The following ADARB2 variants were observed in gnomAD, a reference collection of about 807,000 sequenced individuals.
ADARB2 encodes inactive double-stranded RNA-specific editase B2.
ADARB2 carries 25 observed loss-of-function variants against 62.2 expected under a neutral mutation model. That is an observed-to-expected ratio of 0.40 (90% confidence interval 0.29 to 0.56). ADARB2 has a LOEUF of 0.56. Among genes scored for constraint, ADARB2 ranks in the 20% least tolerant of loss-of-function variants. The probability of loss-of-function intolerance (pLI) is 0.43; values close to 1 mark genes in which losing one functional copy is unlikely to be tolerated. For missense variants in ADARB2, 1,071 were observed against 1,077.4 expected, an observed-to-expected ratio of 0.99 and a Z score of 0.08; for synonymous variants, 572 against 500.8, an observed-to-expected ratio of 1.14 and a Z score of -1.90.
At chr10:1,296,590 C>T (rs1003399533) in intron 3 of ADARB2, among the ~76,000 whole-genome samples, 4 of 151,964 alleles carry the variant, frequency 2.6e-5, no homozygotes, top group South Asian at 2.1e-4. Flanking sequence ...CCATCACAAA[C>T]GTTGGGGGAG....
intron 7 of ADARB2, among the ~76,000 whole-genome samples, chr10:1,207,239 C>T (rs960966077): frequency 6.6e-6 from 1 of 152,032 alleles, no homozygotes; most frequent in Non-Finnish European, 1.5e-5. Context: ...CCCAGCTACT[C>T]GGGAGGCTAA....
chr10:1,610,171 C>A (rs915131510), intron 1 of ADARB2, among the ~76,000 whole-genome samples: 1 of 152,178 alleles, frequency 6.6e-6, no homozygotes, highest in African/African-American at 2.4e-5. Context: ...CCAGCCTGTT[C>A]TCAGGATCCT....
chr10:1,530,740 T>G (rs1172813154), intron 1 of ADARB2, among the ~76,000 whole-genome samples: 3 of 152,244 alleles, frequency 2.0e-5, no homozygotes, highest in African/African-American at 7.2e-5. Flanking sequence ...ACGGCATCTC[T>G]GGGTTCTCTC....
intron 1 of ADARB2, among the ~76,000 whole-genome samples, chr10:1,586,874 T>A (rs1334473678): frequency 1.3e-5 from 2 of 152,236 alleles, no homozygotes; most frequent in East Asian, 3.8e-4. Flanking sequence ...CGTTAAAATA[T>A]GAAACAATAA....
chr10:1,325,429 A>G (rs1831835798), intron 3 of ADARB2, among the ~76,000 whole-genome samples: 2 of 152,064 alleles, frequency 1.3e-5, no homozygotes, highest in Non-Finnish European at 2.9e-5. Context: ...TTCCAGCAGC[A>G]CTCCTGCATG....
At chr10:1,640,635 G>GAC (rs766406161) in intron 1 of ADARB2, among the ~76,000 whole-genome samples, 2 of 151,268 alleles carry the variant, frequency 1.3e-5, no homozygotes, top group African/African-American at 4.9e-5. Context: ...TTGCCTGGGA[G>GAC]ACACACACAC....
intron 3 of ADARB2, among the ~76,000 whole-genome samples, chr10:1,297,816 C>T (rs938480181): frequency 1.3e-5 from 2 of 152,226 alleles, no homozygotes; most frequent in African/African-American, 4.8e-5. Context: ...GCCATGGAGG[C>T]AGGGGCTGGA....
intron 1 of ADARB2, among the ~76,000 whole-genome samples, chr10:1,506,510 G>C (rs1831855180): frequency 6.6e-6 from 1 of 152,200 alleles, no homozygotes. Flanking sequence ...GCGACAGCCT[G>C]TCTAGGCATG....
In ADARB2 at chr10:1,195,294, C is replaced by T. The variant is rs146473447; in HGVS notation, c.1864+4672G>A. On this transcript the variant is annotated intron_variant, in intron 8 of 9. Transcript: ENST00000381312. ...CCCTGCCAACATCTCCCACCATCCT[C>T]AGGGTTTGTGGTGCAGTCCCATGGG... is the stretch of plus-strand genomic sequence containing the variant. 8.9e-3 allele frequency among the ~76,000 whole-genome samples: 1,354 copies of T among 152,186 alleles called. 9 individuals carry two copies. Among genetic ancestry groups the T allele is most frequent in the Non-Finnish European group, 0.014 (954 of 68,018 alleles).
intron 3 of ADARB2, among the ~76,000 whole-genome samples, chr10:1,322,709 G>A (rs1322322042): frequency 1.3e-5 from 2 of 152,074 alleles, no homozygotes; most frequent in Admixed American, 6.6e-5. Flanking sequence ...CCAGAAGAAT[G>A]GAAAGTCTAG....
chr10:1,485,134 G>A (rs879284187), intron 1 of ADARB2, among the ~76,000 whole-genome samples: 6 of 152,038 alleles, frequency 3.9e-5, no homozygotes, highest in African/African-American at 1.5e-4. Flanking sequence ...GTGTAGGTAT[G>A]TAGGTGGATT....
intron 1 of ADARB2, among the ~76,000 whole-genome samples, chr10:1,703,648 T>C (rs978824608): frequency 6.6e-6 from 1 of 152,234 alleles, no homozygotes; most frequent in Non-Finnish European, 1.5e-5. Flanking sequence ...ATAATAATCT[T>C]AAAATGATTA....
intron 4 of ADARB2, among the ~76,000 whole-genome samples, chr10:1,258,084 C>T (rs1831096533): frequency 1.3e-5 from 2 of 152,310 alleles, no homozygotes; most frequent in African/African-American, 4.8e-5. Context: ...CCTGAAGCTT[C>T]TTTCTTCCTT....
intron 1 of ADARB2, among the ~76,000 whole-genome samples, chr10:1,402,189 A>G (rs1832669607): frequency 1.3e-5 from 2 of 152,164 alleles, no homozygotes; most frequent in Admixed American, 6.5e-5. Flanking sequence ...GCCTGTGCTG[A>G]GCCCCAGGAT....
At chr10:1,332,352 G>A (rs1831935858) in intron 3 of ADARB2, among the ~76,000 whole-genome samples, 1 of 151,652 alleles carries the variant, frequency 6.6e-6, no homozygotes, top group African/African-American at 2.4e-5. Flanking sequence ...GGAGGTTGAG[G>A]CTGCAGTGAG....
chr10:1,222,660 T>C (rs1830705126), intron 6 of ADARB2, among the ~76,000 whole-genome samples: 1 of 149,326 alleles, frequency 6.7e-6, no homozygotes, highest in Non-Finnish European at 1.5e-5. Context: ...CAGCACCATT[T>C]ATTAAATAGG....
At position 1,181,873 on chromosome 10, in the gene ADARB2, T is replaced by C. The variant is rs1836679616; in HGVS notation, c.*1320A>G. The C allele has an allele frequency of 6.6e-6, 1 of 152,160 alleles. No individual in the cohort carries two copies. Among genetic ancestry groups the C allele is most frequent in the Non-Finnish European group, 1.5e-5 (1 of 68,036 alleles). The allele number at this position is 152,160 out of a possible 1,614,324, so 9.4% of individuals were successfully genotyped here. A position where few individuals can be genotyped will look rare whatever the true frequency, so the allele number is the denominator to read the frequency against. ...TGAGATGACAGCAGCTCGAGGTACA[T>C]GGATTACGTAAAGATACTTGGAAAA... On this transcript the variant is annotated 3_prime_UTR_variant, in exon 10 of 10. Transcript: ENST00000381312.
At chr10:1,637,378 A>C (rs1399190854) in intron 1 of ADARB2, among the ~76,000 whole-genome samples, 1 of 152,204 alleles carries the variant, frequency 6.6e-6, no homozygotes, top group Non-Finnish European at 1.5e-5. Flanking sequence ...ATCACATAGC[A>C]ATCCCCAAAT....
intron 1 of ADARB2, among the ~76,000 whole-genome samples, chr10:1,532,890 C>A (rs1053506512): frequency 2.0e-5 from 3 of 152,148 alleles, no homozygotes; most frequent in East Asian, 3.9e-4. Context: ...CCCATCTGAA[C>A]CCCTCAGGCT....
Sources: allele counts gnomAD v4.1 joint callset (sites outside exome capture counted in the v4.1 genomes callset), GRCh38; gene constraint gnomAD v4.1.1; transcripts MANE v1.5; gene names NCBI Gene and HGNC (gene_info 2026-07-23, HGNC 2026-07-21).